The following COMMD9 variants were observed in gnomAD, a reference collection of about 807,000 sequenced individuals.
COMMD9 encodes COMM domain containing 9.
In COMMD9, 22 loss-of-function variants were observed where a neutral mutation model predicts 23.4. The observed-to-expected ratio is 0.94, with a 90% CI of 0.67 to 1.34. The LOEUF is 1.34. Ranked by LOEUF, COMMD9 falls within the 40% of genes most tolerant of loss-of-function variation. COMMD9 has a pLI of 0.00. For synonymous variants in COMMD9, 99 were observed against 97.4 expected (o/e 1.02, Z -0.10); for missense variants, 231 against 240.2 (o/e 0.96, Z 0.25).
chr11:36,281,217 G>A (rs1220147790), intron 1 of COMMD9, among the ~76,000 whole-genome samples: 6 of 152,134 alleles, frequency 3.9e-5, no homozygotes, highest in Admixed American at 3.9e-4. Flanking sequence ...GGGGAAAAAC[G>A]CTACAATAAA....
At position 36,278,598 on chromosome 11, in the gene COMMD9, G is replaced by A. The variant is rs753960043; in HGVS notation, c.196C>T (p.Arg66Cys). Residue 66 changes from arginine (R) to cysteine (C), a missense_variant, in exon 3 of 6, where the codon CGC (arginine) becomes TGC (cysteine). Coordinates refer to ENST00000263401, the MANE Select transcript of COMMD9 (RefSeq NM_014186.4). ...EAEELLQALH[R>C]LTRLVAFRDL... is the part of the protein sequence containing the mutation. ...CGGAATGCCACCAGCCTAGTGAGGC[G>A]GTGCAGAGCCTGGAGCAGCTGCAAG... 31 of 1,613,818 alleles carry A rather than the reference G, an allele frequency of 1.9e-5. No individual in the cohort carries two copies. The highest frequency in any genetic ancestry group is 1.3e-5 in the African/African-American group (1 of 74,904).
chr11:36,275,313 C>G (rs1455199123), intron 5 of COMMD9, among the ~76,000 whole-genome samples: 4 of 152,118 alleles, frequency 2.6e-5, no homozygotes, highest in African/African-American at 7.2e-5. Flanking sequence ...TTTAACTAAA[C>G]AAACACTACA....
intron 2 of COMMD9, 46 bp from the exon 3 acceptor site, chr11:36,278,662 G>A: frequency 6.2e-7 from 1 of 1,601,894 alleles, no homozygotes; most frequent in Non-Finnish European, 8.5e-7. Flanking sequence ...GAAGCAGCAG[G>A]CAGGGGGCAC....
rs1471798449 is a variant in COMMD9, at chr11:36,272,680, GA to G, written c.*1951del. ...CCTATAGCAGATAAAGAAGAGCTTG[GA>G]ATTTTTTTTCCCTTGACCTTCCTCG... On this transcript the variant is annotated 3_prime_UTR_variant, in exon 6 of 6. Coordinates refer to ENST00000263401, the MANE Select transcript of COMMD9 (RefSeq NM_014186.4). The G allele has an allele frequency of 6.6e-6, 1 of 152,186 alleles. No individual in the cohort carries two copies. The highest frequency in any genetic ancestry group is 2.4e-5 in the African/African-American group (1 of 41,436). 9.4% of individuals were successfully genotyped at this position (152,186 alleles called of 1,614,324 possible).
At chr11:36,287,539 TG>T (rs1263700988) in intron 1 of COMMD9, among the ~76,000 whole-genome samples, 2 of 151,048 alleles carry the variant, frequency 1.3e-5, no homozygotes, top group African/African-American at 2.4e-5. Flanking sequence ...AAAGGATAAA[TG>T]GGATCTCTCT....
Position 36,272,887 on chromosome 11 carries a change from A to G in COMMD9, c.*1745T>C, listed in dbSNP as rs1855901683. On this transcript the variant is annotated 3_prime_UTR_variant, in exon 6 of 6. Transcript: ENST00000263401. ...TTTACCAGCAGATGACTCAATCTCA[A>G]TGAGCTGGTTTCCTGGTCAATAAAG... 6.6e-6 allele frequency: 1 copy of G among 152,204 alleles called. No individual in the cohort carries two copies. The highest frequency in any genetic ancestry group is 1.5e-5 in the Non-Finnish European group (1 of 68,036). 9.4% of individuals were successfully genotyped at this position (152,204 alleles called of 1,614,324 possible).
chr11:36,287,441 C>G (rs11600932), intron 1 of COMMD9, among the ~76,000 whole-genome samples: 10 of 478 alleles, frequency 0.021, 4 homozygotes, highest in Admixed American at 0.2. Context: ...TATGTATACT[C>G]TATATTATAT....
At chr11:36,281,262 G>T (rs572615978) in intron 1 of COMMD9, among the ~76,000 whole-genome samples, 46 of 152,288 alleles carry the variant, frequency 3.0e-4, no homozygotes, top group Middle Eastern at 6.8e-3. Flanking sequence ...CCAACAAAGA[G>T]GCAGCCTTGC....
chr11:36,274,807 G>A (rs1008401544), intron 5 of COMMD9, 35 bp from the exon 6 acceptor site: 1 of 1,612,410 alleles, frequency 6.2e-7, no homozygotes, highest in Non-Finnish European at 8.5e-7. Flanking sequence ...AGTCAAAGCT[G>A]CCTCTTTTCC....
At chr11:36,285,174 G>A (rs1856131034) in intron 1 of COMMD9, among the ~76,000 whole-genome samples, 1 of 151,998 alleles carries the variant, frequency 6.6e-6, no homozygotes, top group African/African-American at 2.4e-5. Context: ...ATGAAATAGA[G>A]GATATTATCA....
chr11:36,289,389 A>G lies in COMMD9; in HGVS notation c.24T>C (p.His8=). 1.3e-6 allele frequency: 2 copies of G among 1,552,008 alleles called. No individual in the cohort carries two copies. The highest frequency in any genetic ancestry group is 3.9e-5 in the Admixed American group (2 of 51,010). The part of the protein sequence containing the change: MAALTAE[H]FAALQSLLKA... ...TGAGCAGGCTCTGGAGTGCTGCAAA[A>G]TGCTCCGCTGTCAGGGCAGCCATCT... Residue 8 remains histidine (H), a synonymous_variant, in exon 1 of 6, where the codon CAT becomes CAC. Coordinates refer to ENST00000263401, the MANE Select transcript of COMMD9 (RefSeq NM_014186.4).
chr11:36,286,292 A>G (rs780991636), intron 1 of COMMD9, among the ~76,000 whole-genome samples: 2 of 151,582 alleles, frequency 1.3e-5, no homozygotes, highest in African/African-American at 4.8e-5. Context: ...GCTCACATCT[A>G]TAATCCCAGC....
At chr11:36,275,321 A>G (rs1590395492) in intron 5 of COMMD9, among the ~76,000 whole-genome samples, 2 of 152,254 alleles carry the variant, frequency 1.3e-5, no homozygotes, top group African/African-American at 4.8e-5. Flanking sequence ...AACAAACACT[A>G]CAATATGGAT....
At position 36,273,353 on chromosome 11, in the gene COMMD9, T is replaced by G. The variant is rs1369507269; in HGVS notation, c.*1279A>C. 6.6e-6 allele frequency: 1 copy of G among 152,234 alleles called. No homozygotes were observed. Among genetic ancestry groups the G allele is most frequent in the Non-Finnish European group, 1.5e-5 (1 of 68,048 alleles). The allele number at this position is 152,234 out of a possible 1,614,324, so 9.4% of individuals were successfully genotyped here. A position where few individuals can be genotyped will look rare whatever the true frequency, so the allele number is the denominator to read the frequency against. On this transcript the variant is annotated 3_prime_UTR_variant, in exon 6 of 6. Transcript: ENST00000263401. ...TGATCTGGTGAGTGAAGGGGGAATC[T>G]TCACACATGGAGTCCCTGTGAGGCG...
rs1291531989 is a variant in COMMD9, at chr11:36,286,411, AAAGAAAG to A, written c.51+2944_51+2950del. On this transcript the variant is annotated intron_variant, in intron 1 of 5. Transcript: ENST00000263401. ...CTAAAAATACAAAAAAAAAAAAAAA[AAAGAAAG>A]AAAGAAAGAAAGAAAGAAAAGAAAA... Among the ~76,000 whole-genome samples, 106 of 42,396 alleles carry A rather than the reference AAAGAAAG, an allele frequency of 2.5e-3. 1 individual carries two copies. Among genetic ancestry groups the A allele is most frequent in the East Asian group, 0.016 (27 of 1,716 alleles). The allele number at this position is 42,396 out of a possible 152,430, so 27.8% of individuals were successfully genotyped here.
chr11:36,289,069 C>T (rs995589938), intron 1 of COMMD9, among the ~76,000 whole-genome samples: 5 of 152,250 alleles, frequency 3.3e-5, no homozygotes, highest in Middle Eastern at 6.8e-3. Flanking sequence ...CTAGCAATTA[C>T]CACTTCAATG....
At position 36,274,351 on chromosome 11, in the gene COMMD9, C is replaced by T; in HGVS notation, c.*281G>A. On this transcript the variant is annotated 3_prime_UTR_variant, in exon 6 of 6. Coordinates refer to ENST00000263401, the MANE Select transcript of COMMD9 (RefSeq NM_014186.4). ...AGGCAGCTGACGATGCAAATGTTCC[C>T]TCACCCTGCCATGGTGGTAATTAAG... 1 of 641,352 alleles carries T rather than the reference C, an allele frequency of 1.6e-6. No individual in the cohort carries two copies. Among genetic ancestry groups the T allele is most frequent in the Non-Finnish European group, 2.9e-6 (1 of 346,448 alleles). The allele number at this position is 641,352 out of a possible 1,614,324, so 39.7% of individuals were successfully genotyped here.
intron 1 of COMMD9, among the ~76,000 whole-genome samples, chr11:36,282,470 G>A (rs1163925575): frequency 2.0e-5 from 3 of 151,846 alleles, no homozygotes; most frequent in Non-Finnish European, 4.4e-5. Context: ...CAAAAACCAT[G>A]GAAGCAAGAA....
Position 36,276,223 on chromosome 11 carries a change from C to A in COMMD9, c.370G>T (p.Val124Phe), listed in dbSNP as rs1279553139. 8 of 1,613,690 alleles carry A rather than the reference C, an allele frequency of 5.0e-6. No homozygotes were observed. Among genetic ancestry groups the A allele is most frequent in the Non-Finnish European group, 6.8e-6 (8 of 1,179,730 alleles). The change falls in exon 5 of 6, where the codon GTC becomes TTC. Residue 124 changes from valine (V) to phenylalanine (F), a missense_variant. Val to Phe is a conservative substitution (Grantham distance 50). Coordinates refer to ENST00000263401, the MANE Select transcript of COMMD9 (RefSeq NM_014186.4). ...ATATCCACTCTCCAGTCCAGATCGA[C>A]CAGGCGTGGCAGAGAGACTGTGGAA... The part of the protein sequence containing the change: ...QANQISLPRL[V>F]DLDWRVDIKT...
Sources: allele counts gnomAD v4.1 joint callset (sites outside exome capture counted in the v4.1 genomes callset), GRCh38; gene constraint gnomAD v4.1.1; transcripts MANE v1.5; gene names NCBI Gene and HGNC (gene_info 2026-07-23, HGNC 2026-07-21).